The following AFG2A variants were observed in gnomAD, a reference collection of about 807,000 sequenced individuals.
The protein encoded by AFG2A is AAA ATPase AFG2A.
At chr4:122,955,080 A>G in the AFG2A span, among the ~76,000 whole-genome samples, 5 of 152,196 alleles carry the variant, frequency 3.3e-5, no homozygotes, top group Non-Finnish European at 4.4e-5. Flanking sequence ...GGATGGCACC[A>G]GGTTCAAGAG....
At chr4:123,009,386 T>G in the AFG2A span, among the ~76,000 whole-genome samples, 1 of 152,216 alleles carries the variant, frequency 6.6e-6, no homozygotes, top group African/African-American at 2.4e-5. Context: ...TAAATCACAC[T>G]GTCAGTATAA....
chr4:123,242,249 G>T, the AFG2A span, among the ~76,000 whole-genome samples: 1 of 152,128 alleles, frequency 6.6e-6, no homozygotes, highest in Non-Finnish European at 1.5e-5. Context: ...CACAGAATTG[G>T]AAAAAACTAC....
the AFG2A span, among the ~76,000 whole-genome samples, chr4:123,173,352 T>TG: frequency 3.4e-5 from 4 of 117,464 alleles, no homozygotes; most frequent in African/African-American, 1.2e-4. Context: ...TTTTTTTTTT[T>TG]TTTTTTTTTT....
At chr4:123,078,598 T>A in the AFG2A span, among the ~76,000 whole-genome samples, 1 of 152,166 alleles carries the variant, frequency 6.6e-6, no homozygotes, top group Non-Finnish European at 1.5e-5. Context: ...AAGACCTAAG[T>A]CAGGTTATCA....
the AFG2A span, among the ~76,000 whole-genome samples, chr4:123,188,015 CTG>C: frequency 6.7e-6 from 1 of 149,536 alleles, no homozygotes; most frequent in Non-Finnish European, 1.5e-5. Context: ...AAAAAAAAGA[CTG>C]AACTTTAGTC....
At chr4:122,990,958 G>C in the AFG2A span, among the ~76,000 whole-genome samples, 1 of 152,200 alleles carries the variant, frequency 6.6e-6, no homozygotes, top group Non-Finnish European at 1.5e-5. Flanking sequence ...TTTTGGGATT[G>C]TTGGTTTAAA....
At chr4:123,081,224 TC>T in the AFG2A span, among the ~76,000 whole-genome samples, 1 of 152,230 alleles carries the variant, frequency 6.6e-6, no homozygotes, top group Non-Finnish European at 1.5e-5. Flanking sequence ...ACAGAATAGT[TC>T]CACTGCATTA....
At chr4:122,962,163 C>T in the AFG2A span, among the ~76,000 whole-genome samples, 2 of 152,196 alleles carry the variant, frequency 1.3e-5, no homozygotes, top group Non-Finnish European at 2.9e-5. Context: ...AGGCGGAGCT[C>T]AGGTAGTAAT....
chr4:122,944,335 C>T, the AFG2A span, among the ~76,000 whole-genome samples: 3 of 151,880 alleles, frequency 2.0e-5, no homozygotes, highest in East Asian at 1.9e-4. Context: ...TTGTTTGTTT[C>T]TTTTTATTCT....
the AFG2A span, among the ~76,000 whole-genome samples, chr4:123,259,245 C>T: frequency 1.3e-5 from 2 of 152,154 alleles, no homozygotes; most frequent in East Asian, 1.9e-4. Context: ...TTATTTTGCC[C>T]AATCAGCATT....
At chr4:122,966,487 A>T in the AFG2A span, among the ~76,000 whole-genome samples, 1 of 152,118 alleles carries the variant, frequency 6.6e-6, no homozygotes, top group Non-Finnish European at 1.5e-5. Flanking sequence ...TGCTATGCTC[A>T]TTCTTGTCTC....
chr4:123,222,087 A>G, the AFG2A span, among the ~76,000 whole-genome samples: 1 of 152,188 alleles, frequency 6.6e-6, no homozygotes, highest in African/African-American at 2.4e-5. Context: ...CTGGGGTCAG[A>G]TGTGGCTTCT....
At chr4:123,256,558 C>A in the AFG2A span, 1 of 350,110 alleles carries the variant, frequency 2.9e-6, no homozygotes, top group Non-Finnish European at 4.0e-6. Flanking sequence ...CTACTACCTT[C>A]CCTCCTGTTT....
the AFG2A span, among the ~76,000 whole-genome samples, chr4:123,197,049 A>G: frequency 6.6e-6 from 1 of 152,328 alleles, no homozygotes; most frequent in South Asian, 2.1e-4. Context: ...CTACAAACAA[A>G]GTTTTCATTG....
chr4:122,988,304 T>TC, the AFG2A span, among the ~76,000 whole-genome samples: 3 of 151,540 alleles, frequency 2.0e-5, no homozygotes, highest in African/African-American at 7.3e-5. Context: ...TTTATGGATT[T>TC]AGATTTGAAT....
At chr4:123,172,621 T>C in the AFG2A span, among the ~76,000 whole-genome samples, 1 of 152,194 alleles carries the variant, frequency 6.6e-6, no homozygotes, top group African/African-American at 2.4e-5. Context: ...CTCACCCATT[T>C]TATGGGGCCT....
the AFG2A span, chr4:123,057,330 A>G: frequency 1.3e-6 from 2 of 1,532,818 alleles, no homozygotes; most frequent in Non-Finnish European, 1.8e-6. Context: ...TAATAATATG[A>G]TGTTACATAA....
At chr4:123,089,727 TG>T in the AFG2A span, among the ~76,000 whole-genome samples, 3 of 151,934 alleles carry the variant, frequency 2.0e-5, no homozygotes, top group African/African-American at 7.2e-5. Context: ...TGGGATTACA[TG>T]TACATACTAC....
the AFG2A span, among the ~76,000 whole-genome samples, chr4:123,031,776 A>T: frequency 6.6e-6 from 1 of 152,274 alleles, no homozygotes; most frequent in South Asian, 2.1e-4. Flanking sequence ...TAAGTTTATG[A>T]AAGAACCTTT....
Sources: gnomAD v4.1 joint callset for allele counts (sites outside exome capture counted in the v4.1 genomes callset) on GRCh38, gnomAD v4.1.1 for gene constraint, MANE v1.5 for transcripts, NCBI Gene and HGNC (gene_info 2026-07-23, HGNC 2026-07-21) for gene names.